The following RBFOX1 variants were observed in gnomAD, a reference collection of about 807,000 sequenced individuals.
RBFOX1 encodes RNA binding fox-1 homolog 1.
A neutral mutation model predicts 57.7 loss-of-function variants in RBFOX1; 8 were observed. That is an observed-to-expected ratio of 0.14 (90% CI 0.08 to 0.25). The LOEUF is 0.25. Among genes scored for constraint, RBFOX1 ranks in the 10% least tolerant of loss-of-function variants. The pLI is 1.00. For synonymous variants in RBFOX1, 326 were observed against 222.4 expected, an observed-to-expected ratio of 1.47 and a Z score of -4.15; for missense variants, 611 against 548.5, an observed-to-expected ratio of 1.11 and a Z score of -1.14.
chr16:6,604,486 G>T (rs2097899476), intron 2 of RBFOX1, among the ~76,000 whole-genome samples: 1 of 151,978 alleles, frequency 6.6e-6, no homozygotes, highest in South Asian at 2.1e-4. Flanking sequence ...AATTTTTAGT[G>T]GCACAATTGG....
chr16:6,167,165 G>C lies in RBFOX1; in HGVS notation c.-127+147173G>C, dbSNP rs375646402. On this transcript the variant is annotated intron_variant, in intron 1 of 15. Coordinates refer to ENST00000550418, the MANE Select transcript of RBFOX1 (RefSeq NM_018723.4). ...TTGTGTTGCTAAAAGAAGGGCAAAG[G>C]GTGTTGGATGGGAAGAGCCGAAACA... Among the ~76,000 whole-genome samples, 20 of 152,344 alleles carry C rather than the reference G, an allele frequency of 1.3e-4. 1 individual carries two copies. In the South Asian group the frequency reaches 3.9e-3, roughly 30 times the overall value.
intron 1 of RBFOX1, among the ~76,000 whole-genome samples, chr16:5,351,661 G>C (rs1044116580): frequency 2.6e-5 from 4 of 152,212 alleles, no homozygotes; most frequent in African/African-American, 9.6e-5. Context: ...CTTAGGAATT[G>C]GTGAGAGCAT....
At chr16:5,302,068 AG>A (rs1194972154) in intron 1 of RBFOX1, among the ~76,000 whole-genome samples, 1 of 152,132 alleles carries the variant, frequency 6.6e-6, no homozygotes, top group East Asian at 1.9e-4. Context: ...TTTTTAATAT[AG>A]GCATTTAATG....
chr16:6,857,549 C>T (rs2058132480), intron 3 of RBFOX1, among the ~76,000 whole-genome samples: 1 of 152,158 alleles, frequency 6.6e-6, no homozygotes, highest in African/African-American at 2.4e-5. Context: ...TTATTGACTA[C>T]AATTCAAGGC....
chr16:5,278,301 C>G (rs530509076), intron 1 of RBFOX1, among the ~76,000 whole-genome samples: 3 of 152,196 alleles, frequency 2.0e-5, no homozygotes, highest in African/African-American at 7.2e-5. Context: ...TGTGTATCTT[C>G]TTCTGAGTAA....
intron 4 of RBFOX1, among the ~76,000 whole-genome samples, chr16:7,132,619 C>T (rs62017063): frequency 6.6e-6 from 1 of 150,568 alleles, no homozygotes; most frequent in African/African-American, 2.4e-5. Flanking sequence ...AAAAAAAAAC[C>T]ACACACACAC....
At chr16:6,077,685 TTTAC>T (rs113709258) in intron 1 of RBFOX1, among the ~76,000 whole-genome samples, 3 of 52,852 alleles carry the variant, frequency 5.7e-5, no homozygotes, top group South Asian at 5.3e-4. Context: ...TTCTTTTATT[TTTAC>T]TTATTTATTT....
chr16:7,300,059 G>T (rs968708490), intron 4 of RBFOX1, among the ~76,000 whole-genome samples: 3 of 152,122 alleles, frequency 2.0e-5, no homozygotes, highest in Middle Eastern at 3.2e-3. Flanking sequence ...CATTTTTTCA[G>T]AGCAAGTGTA....
chr16:5,363,102 C>T (rs112406378), intron 1 of RBFOX1, among the ~76,000 whole-genome samples: 2 of 140,114 alleles, frequency 1.4e-5, no homozygotes, highest in Non-Finnish European at 3.0e-5. Flanking sequence ...GGTGTGATCT[C>T]GGCTCACTGC....
At chr16:7,131,993 T>TC (rs2070560684) in intron 4 of RBFOX1, among the ~76,000 whole-genome samples, 3 of 111,908 alleles carry the variant, frequency 2.7e-5, no homozygotes, top group African/African-American at 1.0e-4. Flanking sequence ...GTCCTTTTTT[T>TC]CTTTCTTTTT....
intron 3 of RBFOX1, among the ~76,000 whole-genome samples, chr16:5,685,584 G>A (rs186316803): frequency 6.6e-6 from 1 of 152,286 alleles, no homozygotes; most frequent in Non-Finnish European, 1.5e-5. Flanking sequence ...GTTGATTAAA[G>A]AAAATTAAAT....
chr16:6,515,324 C>T (rs913842846), intron 2 of RBFOX1, among the ~76,000 whole-genome samples: 1 of 152,212 alleles, frequency 6.6e-6, no homozygotes, highest in Non-Finnish European at 1.5e-5. Context: ...CTTTGTCAGA[C>T]ACATTGCTTA....
intron 1 of RBFOX1, among the ~76,000 whole-genome samples, chr16:5,373,013 T>C (rs2065898700): frequency 6.6e-6 from 1 of 152,194 alleles, no homozygotes; most frequent in African/African-American, 2.4e-5. Context: ...CTAAAGTCTT[T>C]CAGAATTTAA....
At chr16:7,220,532 C>A (rs913326594) in intron 4 of RBFOX1, among the ~76,000 whole-genome samples, 5 of 152,118 alleles carry the variant, frequency 3.3e-5, no homozygotes. Context: ...CCTTATGTGC[C>A]CACTTTGGAT....
At chr16:6,692,956 C>A (rs1253660181) in intron 3 of RBFOX1, among the ~76,000 whole-genome samples, 1 of 151,774 alleles carries the variant, frequency 6.6e-6, no homozygotes. Flanking sequence ...TCATCCCCAT[C>A]CACTACCATC....
rs562501162 is a variant in RBFOX1 at position 6,780,716 on chromosome 16, A to G, written c.-16+126066A>G. Among the ~76,000 whole-genome samples, 652 of 150,484 alleles carry G rather than the reference A, an allele frequency of 4.3e-3. 4 individuals carry two copies. The highest frequency in any genetic ancestry group is 0.015 in the African/African-American group (633 of 40,908). ...AACTGGGGTGAGATATTTCATTACAATTTTGATTTGCATTTCTCTAATGAT... is the reference window on the plus strand; with the variant it reads ...AACTGGGGTGAGATATTTCATTACAGTTTTGATTTGCATTTCTCTAATGAT... On this transcript the variant is annotated intron_variant, in intron 3 of 15. Coordinates refer to ENST00000550418, the MANE Select transcript of RBFOX1 (RefSeq NM_018723.4).
At chr16:6,770,379 T>C (rs528615621) in intron 3 of RBFOX1, among the ~76,000 whole-genome samples, 1 of 152,312 alleles carries the variant, frequency 6.6e-6, no homozygotes, top group African/African-American at 2.4e-5. Flanking sequence ...GGGCCACATT[T>C]ACTCCACTTG....
At chr16:6,589,605 A>C (rs1464816595) in intron 2 of RBFOX1, among the ~76,000 whole-genome samples, 1 of 152,202 alleles carries the variant, frequency 6.6e-6, no homozygotes, top group Non-Finnish European at 1.5e-5. Context: ...CAATCTGGGG[A>C]GGTTCAAAAT....
intron 1 of RBFOX1, among the ~76,000 whole-genome samples, chr16:6,061,598 A>G (rs916337268): frequency 2.0e-5 from 3 of 151,802 alleles, no homozygotes; most frequent in Non-Finnish European, 2.9e-5. Flanking sequence ...ATTTACTATA[A>G]TAAAATTAAG....
Sources: gnomAD v4.1 joint callset for allele counts (sites outside exome capture counted in the v4.1 genomes callset) on GRCh38, gnomAD v4.1.1 for gene constraint, MANE v1.5 for transcripts, NCBI Gene and HGNC (gene_info 2026-07-23, HGNC 2026-07-21) for gene names.